The following VCL variants were observed in gnomAD, a reference collection of about 807,000 sequenced individuals.
The protein encoded by VCL is vinculin.
A neutral mutation model predicts 125.7 loss-of-function variants in VCL; 47 were observed. That is an observed-to-expected ratio of 0.37 (90% CI 0.30 to 0.48). The LOEUF (loss-of-function observed/expected upper bound fraction) is 0.48, where lower values mean the gene tolerates loss of function less well. Among genes scored for constraint, VCL ranks in the 20% least tolerant of loss-of-function variants. VCL has a pLI of 0.99. For synonymous variants in VCL, 458 were observed against 514.6 expected, an observed-to-expected ratio of 0.89 and a Z score of 1.49; for missense variants, 1,069 against 1,455.5, an observed-to-expected ratio of 0.73 and a Z score of 4.32.
At chr10:74,111,794 T>G in intron 18 of VCL, 115 bp from the exon 19 acceptor site, 1 of 1,348,602 alleles carries the variant, frequency 7.4e-7, no homozygotes. Context: ...AGAACATGTT[T>G]CTTTCTCATC....
intron 1 of VCL, among the ~76,000 whole-genome samples, chr10:74,016,408 C>A (rs969262304): frequency 6.6e-6 from 1 of 151,716 alleles, no homozygotes; most frequent in Non-Finnish European, 1.5e-5. Context: ...TGTAGAAGTC[C>A]GAGACCAGCC....
chr10:74,114,220 C>T lies in VCL; in HGVS notation c.2986C>T (p.Leu996=), dbSNP rs1437963990. The T allele has an allele frequency of 6.2e-7, 1 of 1,613,840 alleles. No individual in the cohort carries two copies. The highest frequency in any genetic ancestry group is 8.5e-7 in the Non-Finnish European group (1 of 1,180,024). Residue 996 remains leucine, a synonymous_variant, in exon 20 of 22, where the codon CTG becomes TTG. Coordinates refer to ENST00000211998, the MANE Select transcript of VCL (RefSeq NM_014000.3). The part of the protein sequence containing the change: ...DIIAAAKRMA[L]LMAEMSRLVR... ...CATTGCAGCAGCCAAGCGCATGGCT[C>T]TGCTGATGGCTGAGATGTCTCGGCT... is the stretch of plus-strand genomic sequence containing the variant.
At chr10:74,083,174 G>A (rs1026622511) in intron 7 of VCL, among the ~76,000 whole-genome samples, 192 bp from the exon 8 acceptor site, 1 of 151,904 alleles carries the variant, frequency 6.6e-6, no homozygotes, top group East Asian at 1.9e-4. Context: ...CTTTTTTTGC[G>A]TGTCTGTTGT....
At chr10:73,998,700 A>G (rs187762645) in intron 1 of VCL, among the ~76,000 whole-genome samples, 11 of 152,278 alleles carry the variant, frequency 7.2e-5, no homozygotes, top group African/African-American at 2.6e-4. Flanking sequence ...CCAATAAATG[A>G]GAGTTGCTGG....
chr10:74,008,546 C>G (rs1840360981), intron 1 of VCL, among the ~76,000 whole-genome samples: 1 of 152,180 alleles, frequency 6.6e-6, no homozygotes, highest in African/African-American at 2.4e-5. Flanking sequence ...AATGTAGTCT[C>G]ATACTATGAG....
chr10:74,051,785 G>A (rs1047324181), intron 2 of VCL, among the ~76,000 whole-genome samples: 12 of 152,118 alleles, frequency 7.9e-5, no homozygotes, highest in Non-Finnish European at 1.8e-4. Context: ...TGCAGGACAG[G>A]CAAACCCCAA....
chr10:74,073,987 G>A (rs1839536813), intron 5 of VCL, among the ~76,000 whole-genome samples: 1 of 152,188 alleles, frequency 6.6e-6, no homozygotes, highest in Admixed American at 6.5e-5. Flanking sequence ...CAGCACTTTG[G>A]GAGGCCGAGG....
At chr10:74,009,144 A>G (rs373937876) in intron 1 of VCL, among the ~76,000 whole-genome samples, 5 of 135,042 alleles carry the variant, frequency 3.7e-5, no homozygotes, top group South Asian at 4.6e-4. Context: ...GTCTTGCAGT[A>G]TATGTTTGAA....
chr10:74,115,387 GATAAATAA>G (rs142695515), intron 21 of VCL, among the ~76,000 whole-genome samples: 19,737 of 150,306 alleles, frequency 0.13, 1,304 homozygotes, highest in Middle Eastern at 0.21. Flanking sequence ...AAAATAAATA[GATAAATAA>G]ATAAATAAAT....
Position 74,114,296 on chromosome 10 carries a change from A to G in VCL, c.3062A>G (p.Asp1021Gly). 1 of 1,614,098 alleles carries G rather than the reference A, an allele frequency of 6.2e-7. No individual in the cohort carries two copies. The highest frequency in any genetic ancestry group is 8.5e-7 in the Non-Finnish European group (1 of 1,180,028). ...CGGGCACTCATTCAGTGTGCCAAGG[A>G]CATCGCCAAGGCCTCAGATGAGGTG... ...TKRALIQCAK[D>G]IAKASDEVTR... Residue 1021 changes from aspartate to glycine, a missense_variant, in exon 20 of 22, where the codon GAC (aspartate) becomes GGC (glycine). Asp to Gly is a moderately conservative substitution (Grantham distance 94). Around this residue, in one of 6 missense-constraint regions of VCL, gnomAD observed 91 missense variants for 203.9 expected, o/e 0.45. Coordinates refer to ENST00000211998, the MANE Select transcript of VCL (RefSeq NM_014000.3).
intron 18 of VCL, among the ~76,000 whole-genome samples, chr10:74,109,676 G>A (rs1840190220): frequency 6.6e-6 from 1 of 151,846 alleles, no homozygotes; most frequent in Admixed American, 6.6e-5. Context: ...ACAGCTCCAG[G>A]CTGTCTCTTA....
chr10:74,104,974 G>A (rs2131928165), intron 15 of VCL, 77 bp from the exon 16 acceptor site: 2 of 1,504,610 alleles, frequency 1.3e-6, no homozygotes, highest in South Asian at 1.2e-5. Flanking sequence ...CTCATGAGAA[G>A]TTTGAGTGGA....
chr10:74,064,230 T>C (rs1299205080), intron 2 of VCL, among the ~76,000 whole-genome samples: 1 of 152,108 alleles, frequency 6.6e-6, no homozygotes, highest in African/African-American at 2.4e-5. Context: ...AAGAGATGCA[T>C]AGGGCAAGAT....
Position 74,118,968 on chromosome 10 carries a change from C to G in VCL, c.*799C>G, listed in dbSNP as rs1840353782. 1 of 152,888 alleles carries G rather than the reference C, an allele frequency of 6.5e-6. No individual in the cohort carries two copies. 9.5% of individuals were successfully genotyped at this position (152,888 alleles called of 1,614,324 possible). The stretch of plus-strand genomic sequence containing the variant: ...CATGAACACACTGTGTCCTGGTGCT[C>G]TCTGCCACTGGAAGGGCAGAGTAGC... On this transcript the variant is annotated 3_prime_UTR_variant, in exon 22 of 22. Transcript: ENST00000211998.
At chr10:74,117,840 A>G (rs1291900573) in intron 21 of VCL, among the ~76,000 whole-genome samples, 183 bp from the exon 22 acceptor site, 1 of 152,142 alleles carries the variant, frequency 6.6e-6, no homozygotes, top group African/African-American at 2.4e-5. Flanking sequence ...ACAGTATACA[A>G]TCAGCGATGG....
intron 5 of VCL, among the ~76,000 whole-genome samples, chr10:74,074,341 AG>A (rs1035825112): frequency 1.3e-5 from 2 of 152,200 alleles, no homozygotes; most frequent in African/African-American, 4.8e-5. Context: ...TGCTGGGATC[AG>A]GGGCAGCAGG....
intron 6 of VCL, among the ~76,000 whole-genome samples, chr10:74,080,879 T>C (rs1348122251): frequency 1.3e-5 from 2 of 152,222 alleles, no homozygotes; most frequent in Non-Finnish European, 2.9e-5. Context: ...CCTTGCTAAT[T>C]TGGAATTAAG....
chr10:74,015,164 T>C (rs1840514037), intron 1 of VCL, among the ~76,000 whole-genome samples: 1 of 152,266 alleles, frequency 6.6e-6, no homozygotes, highest in Admixed American at 6.5e-5. Flanking sequence ...TCAGTATTTC[T>C]AGTCTTTCAA....
At chr10:74,055,023 G>A (rs1266409162) in intron 2 of VCL, among the ~76,000 whole-genome samples, 2 of 152,026 alleles carry the variant, frequency 1.3e-5, no homozygotes, top group Non-Finnish European at 2.9e-5. Flanking sequence ...ATACAGGCCG[G>A]GTGCGATGGC....
Sources: allele counts gnomAD v4.1 joint callset (sites outside exome capture counted in the v4.1 genomes callset), GRCh38; gene constraint gnomAD v4.1.1; regional missense constraint gnomAD v4.1.1; transcripts MANE v1.5; gene names NCBI Gene and HGNC (gene_info 2026-07-23, HGNC 2026-07-21).